The following ZNF732 variants were observed in gnomAD, a reference collection of about 807,000 sequenced individuals.
ZNF732 encodes the protein zinc finger protein 732, also known as zinc finger protein LOC654254.
ZNF732 carries 12 observed loss-of-function variants against 11.5 expected under a neutral mutation model. That is an observed-to-expected ratio of 1.05 (90% CI 0.67 to 1.70). The LOEUF is 1.70. Among genes scored for constraint, ZNF732 ranks in the 40% most tolerant of loss-of-function variants. ZNF732 has a pLI of 0.00. For missense variants in ZNF732, 702 were observed against 676.9 expected (o/e 1.04, Z -0.41); for synonymous variants, 231 against 236.5 (o/e 0.98, Z 0.21).
At chr4:297,224 T>C (rs1322050378) in intron 1 of ZNF732, among the ~76,000 whole-genome samples, 2 of 150,372 alleles carry the variant, frequency 1.3e-5, no homozygotes, top group African/African-American at 4.9e-5. Flanking sequence ...GCCAAGACCA[T>C]GCCACTGCAC....
At chr4:299,693 A>T (rs1720072162) in intron 1 of ZNF732, among the ~76,000 whole-genome samples, 2 of 139,502 alleles carry the variant, frequency 1.4e-5, no homozygotes, top group Non-Finnish European at 3.1e-5. Context: ...AAATATATAT[A>T]CTTTTTTTTT....
intron 3 of ZNF732, among the ~76,000 whole-genome samples, chr4:281,919 A>G (rs1268812570): frequency 2.0e-5 from 3 of 152,226 alleles, no homozygotes; most frequent in African/African-American, 7.2e-5. Context: ...AAAAATCTCG[A>G]TAAGATGCAA....
rs191633553 is a variant in ZNF732, at chr4:286,695, T to C, written c.226+8743A>G. ...AACCTGTTAGAATGCAAAACAACTC[T>C]TTTTTTAACTTTATTTTAGGATGGG... On this transcript the variant is annotated intron_variant, in intron 3 of 3. Coordinates refer to ENST00000419098, the MANE Select transcript of ZNF732 (RefSeq NM_001137608.3). Among the ~76,000 whole-genome samples, 96 of 152,298 alleles carry C rather than the reference T, an allele frequency of 6.3e-4. 1 individual carries two copies. The highest frequency in any genetic ancestry group is 2.3e-3 in the African/African-American group (94 of 41,560).
In ZNF732 at chr4:271,994, G is replaced by T; in HGVS notation, c.863C>A (p.Thr288Asn). Residue 288 changes from threonine to asparagine, a missense_variant, in exon 4 of 4, where the codon ACC becomes AAC. Thr to Asn is a moderately conservative substitution (Grantham distance 65). Coordinates refer to ENST00000419098, the MANE Select transcript of ZNF732 (RefSeq NM_001137608.3). ...ATGTTTGGCAACATTTGAGGATGAG[G>T]TAATGATTTTGCCACATTCTTCACA... The part of the protein sequence containing the change: ...FTCEECGKII[T>N]SSSNVAKHKK... The T allele has an allele frequency of 1.9e-6, 3 of 1,606,586 alleles. No individual in the cohort carries two copies. The highest frequency in any genetic ancestry group is 2.5e-6 in the Non-Finnish European group (3 of 1,176,640).
intron 3 of ZNF732, among the ~76,000 whole-genome samples, chr4:288,158 T>C (rs1051705416): frequency 1.3e-5 from 2 of 152,182 alleles, no homozygotes; most frequent in Non-Finnish European, 2.9e-5. Flanking sequence ...ATGTTAACTT[T>C]TGTCAAACAC....
Position 305,451 on chromosome 4 carries a change from C to A in ZNF732, c.-141G>T. On this transcript the variant is annotated 5_prime_UTR_variant, in exon 1 of 4. Coordinates refer to ENST00000419098, the MANE Select transcript of ZNF732 (RefSeq NM_001137608.3). ...AAAGCACGGCCGTGGAGACCCTAAC[C>A]GAGCTCACGCTGGCGCAAAAGGCAA... 21 of 1,231,054 alleles carry A rather than the reference C, an allele frequency of 1.7e-5. No individual in the cohort carries two copies. The highest frequency in any genetic ancestry group is 2.1e-5 in the Non-Finnish European group (19 of 888,222). 76.3% of individuals were successfully genotyped at this position (1,231,054 alleles called of 1,614,324 possible).
At chr4:276,813 T>C (rs143685156) in intron 3 of ZNF732, among the ~76,000 whole-genome samples, 1 of 151,072 alleles carries the variant, frequency 6.6e-6, no homozygotes, top group East Asian at 1.9e-4. Context: ...AACTTAAACT[T>C]CACAGGGAAC....
At chr4:290,799 T>C (rs1553841250) in intron 3 of ZNF732, among the ~76,000 whole-genome samples, 1 of 152,126 alleles carries the variant, frequency 6.6e-6, no homozygotes, top group African/African-American at 2.4e-5. Context: ...AAAGACACAA[T>C]GCACAGCAGA....
chr4:296,877 C>T (rs1553842439), intron 1 of ZNF732, among the ~76,000 whole-genome samples: 1 of 152,156 alleles, frequency 6.6e-6, no homozygotes. Context: ...CAAGACAAGA[C>T]CACAAATCAT....
At chr4:301,882 CAGAT>C (rs782740487) in intron 1 of ZNF732, among the ~76,000 whole-genome samples, 28 of 152,224 alleles carry the variant, frequency 1.8e-4, no homozygotes, top group Non-Finnish European at 2.5e-4. Flanking sequence ...AATATATAGA[CAGAT>C]AGATATAAAA....
chr4:303,868 G>T (rs1382899298), intron 1 of ZNF732, among the ~76,000 whole-genome samples: 2 of 152,158 alleles, frequency 1.3e-5, no homozygotes, highest in Admixed American at 1.3e-4. Context: ...GCAGAAGAGA[G>T]AAAGGAGCTA....
chr4:272,403 T>A lies in ZNF732; in HGVS notation c.454A>T (p.Thr152Ser). ...QCNVHVKVFS[T>S]FSNSNQRRIR... is the part of the protein sequence containing the mutation. ...CTACGTTGGTTTGAATTTGAAAATG[T>A]ACTAAATACTTTGACATGTACATTA... The change falls in exon 4 of 4, where the codon ACA (threonine) becomes TCA (serine). Residue 152 changes from threonine (T) to serine (S), a missense_variant. Thr to Ser is a moderately conservative substitution (Grantham distance 58). Around this residue, in one of 3 missense-constraint regions of ZNF732, gnomAD observed 596 missense variants for 557.9 expected, o/e 1.07. Transcript: ENST00000419098. 6.3e-7 allele frequency: 1 copy of A among 1,596,572 alleles called. No individual in the cohort carries two copies. Among genetic ancestry groups the A allele is most frequent in the Non-Finnish European group, 8.5e-7 (1 of 1,170,264 alleles).
At position 272,525 on chromosome 4, in the gene ZNF732, A is replaced by G; in HGVS notation, c.332T>C (p.Leu111Ser). Residue 111 changes from leucine to serine, a missense_variant, in exon 4 of 4, where the codon TTA (leucine) becomes TCA (serine). This residue lies in a region of ZNF732 where 596 missense variants were observed against 557.9 expected (regional missense o/e 1.07). Coordinates refer to ENST00000419098, the MANE Select transcript of ZNF732 (RefSeq NM_001137608.3). ...CCTTTTACAGCTTTTTCTTAATTCT[A>G]AATTCTCATGTCCACATTTCTCATA... Reference protein sequence around the residue: ...RRYEKCGHENLELRKSCKRKV... With the variant: ...RRYEKCGHENSELRKSCKRKV... 1 of 1,603,688 alleles carries G rather than the reference A, an allele frequency of 6.2e-7. No individual in the cohort carries two copies. The highest frequency in any genetic ancestry group is 8.5e-7 in the Non-Finnish European group (1 of 1,174,472).
chr4:302,552 T>A (rs935904093), intron 1 of ZNF732, among the ~76,000 whole-genome samples: 3 of 152,148 alleles, frequency 2.0e-5, no homozygotes, highest in African/African-American at 7.2e-5. Context: ...GGAGGCAGAT[T>A]TGCAACGTGA....
chr4:295,062 G>A (rs539261573), intron 3 of ZNF732, among the ~76,000 whole-genome samples: 3 of 151,888 alleles, frequency 2.0e-5, no homozygotes, highest in Non-Finnish European at 4.4e-5. Flanking sequence ...ACTACTCACC[G>A]TGCACATTTT....
chr4:285,758 G>A (rs782800271), intron 3 of ZNF732, among the ~76,000 whole-genome samples: 1 of 152,110 alleles, frequency 6.6e-6, no homozygotes, highest in Non-Finnish European at 1.5e-5. Flanking sequence ...ATGTGTTTTT[G>A]AGACAATGTC....
At position 270,820 on chromosome 4, in the gene ZNF732, C is replaced by A; in HGVS notation, c.*279G>T. The A allele has an allele frequency of 1.6e-6, 1 of 638,502 alleles. No individual in the cohort carries two copies. The allele number at this position is 638,502 out of a possible 1,614,324, so 39.6% of individuals were successfully genotyped here. A position where few individuals can be genotyped will look rare whatever the true frequency, so the allele number is the denominator to read the frequency against. ...ATGTTCACTCAGGGTTGTGGACCAT[C>A]TAAAAGCTTTGCCACATTCTTCACA... On this transcript the variant is annotated 3_prime_UTR_variant, in exon 4 of 4. Transcript: ENST00000419098.
intron 1 of ZNF732, among the ~76,000 whole-genome samples, chr4:303,573 G>C (rs1382262005): frequency 6.6e-6 from 1 of 152,170 alleles, no homozygotes; most frequent in Non-Finnish European, 1.5e-5. Flanking sequence ...CCGATATCAC[G>C]GCACTGCCCT....
intron 1 of ZNF732, among the ~76,000 whole-genome samples, chr4:304,976 A>G (rs1720199906): frequency 6.6e-6 from 1 of 152,172 alleles, no homozygotes; most frequent in Non-Finnish European, 1.5e-5. Context: ...GAACAGGGTA[A>G]AGTAGGGACT....
Sources: allele counts gnomAD v4.1 joint callset (sites outside exome capture counted in the v4.1 genomes callset), GRCh38; gene constraint gnomAD v4.1.1; regional missense constraint gnomAD v4.1.1; transcripts MANE v1.5; gene names NCBI Gene and HGNC (gene_info 2026-07-23, HGNC 2026-07-21).